Variants in JADE2 observed in about 807,000 individuals in gnomAD.
JADE2 encodes the protein jade family PHD finger 2, also known as E3 ubiquitin-protein ligase Jade-2.
A neutral mutation model predicts 85.7 loss-of-function variants in JADE2; 13 were observed. The ratio of observed to expected loss-of-function variants is 0.15; its 90% CI spans 0.10 to 0.24. JADE2 has a LOEUF of 0.24. JADE2 is among the 10% of genes least tolerant of loss of function. The probability of loss-of-function intolerance (pLI) is 1.00; values close to 1 mark genes in which losing one functional copy is unlikely to be tolerated. For missense variants in JADE2, 846 were observed against 1,115.9 expected, an observed-to-expected ratio of 0.76 and a Z score of 3.45; for synonymous variants, 440 against 456.1, an observed-to-expected ratio of 0.96 and a Z score of 0.45.
At chr5:134,534,425 G>C (rs7737055) in intron 1 of JADE2, among the ~76,000 whole-genome samples, 23 of 152,172 alleles carry the variant, frequency 1.5e-4, no homozygotes, top group African/African-American at 5.3e-4. Context: ...TTGAAGCTGG[G>C]CGGCAGGCAG....
chr5:134,530,395 T>A (rs1250956109), intron 1 of JADE2, among the ~76,000 whole-genome samples: 4 of 152,350 alleles, frequency 2.6e-5, no homozygotes, highest in Non-Finnish European at 5.9e-5. Flanking sequence ...CCCCTTTTTT[T>A]AAAGAAGAGG....
chr5:134,563,314 TAA>T (rs397966244), intron 7 of JADE2, among the ~76,000 whole-genome samples: 6 of 140,214 alleles, frequency 4.3e-5, no homozygotes, highest in Admixed American at 7.1e-5. Context: ...TGAGACTGTT[TAA>T]AAAAAAAAAA....
Position 134,579,525 on chromosome 5 carries a change from C to G in JADE2, c.*208C>G. Reference sequence around the variant, plus strand: ...GCCTAGGACATTAGGATTCCTTCCACGGCTCCGGCCGCTAGGACCCTGCCA... The same window carrying G: ...GCCTAGGACATTAGGATTCCTTCCAGGGCTCCGGCCGCTAGGACCCTGCCA... On this transcript the variant is annotated 3_prime_UTR_variant, in exon 12 of 12. Transcript: ENST00000681547. This position sits in a 1 kb window ranked among gnomAD's most constrained non-coding sequence, Gnocchi z 4.6. The G allele has an allele frequency of 3.6e-6, 2 of 554,416 alleles. No individual in the cohort carries two copies. Among genetic ancestry groups the G allele is most frequent in the Non-Finnish European group, 6.4e-6 (2 of 314,158 alleles). The allele number at this position is 554,416 out of a possible 1,614,324, so 34.3% of individuals were successfully genotyped here.
rs751064464 is a variant in JADE2, at chr5:134,578,817, C to G, written c.2005C>G (p.Pro669Ala). The stretch of plus-strand genomic sequence containing the variant: ...TTCACGGACGACTCCAGACAAAGCC[C>G]CCAAGAAGACCTGGGGCCAGGATGC... ...PGSRTTPDKA[P>A]KKTWGQDAGS... is the part of the protein sequence containing the mutation. Residue 669 changes from proline to alanine, a missense_variant, in exon 12 of 12, where the codon CCC becomes GCC. This residue lies in a region of JADE2 where 300 missense variants were observed against 300.7 expected (regional missense o/e 1.00). Coordinates refer to ENST00000681547, the MANE Select transcript of JADE2 (RefSeq NM_001388185.1). This position sits in a 1 kb window ranked among gnomAD's most constrained non-coding sequence, Gnocchi z 4.4. 6.2e-7 allele frequency: 1 copy of G among 1,613,782 alleles called. No individual in the cohort carries two copies. Among genetic ancestry groups the G allele is most frequent in the Non-Finnish European group, 8.5e-7 (1 of 1,180,012 alleles).
chr5:134,531,382 CT>C (rs1274664480), intron 1 of JADE2, among the ~76,000 whole-genome samples: 1 of 152,042 alleles, frequency 6.6e-6, no homozygotes, highest in African/African-American at 2.4e-5. Context: ...TCTATGAAGC[CT>C]TTGAAAGATT....
In JADE2 at chr5:134,566,596, G is replaced by A. The variant is rs370177891; in HGVS notation, c.1434+16G>A. 8.5e-6 allele frequency: 13 copies of A among 1,524,832 alleles called. No individual in the cohort carries two copies. The highest frequency in any genetic ancestry group is 2.5e-5 in the East Asian group (1 of 40,650). 94.5% of individuals were successfully genotyped at this position (1,524,832 alleles called of 1,614,324 possible). A position where few individuals can be genotyped will look rare whatever the true frequency, so the allele number is the denominator to read the frequency against. On this transcript the variant is annotated intron_variant, in intron 9 of 11. Transcript: ENST00000681547. This position sits in a 1 kb window ranked among gnomAD's most constrained non-coding sequence, Gnocchi z 6.7. ...CCTAGAGAGGGTGAGTCCCCATGCC[G>A]CCTGCCCACCCCCTGCCTGGTGGGT...
Position 134,578,744 on chromosome 5 carries a change from G to T in JADE2, c.1932G>T (p.Leu644=). 1 of 1,613,572 alleles carries T rather than the reference G, an allele frequency of 6.2e-7. No individual in the cohort carries two copies. The highest frequency in any genetic ancestry group is 8.5e-7 in the Non-Finnish European group (1 of 1,179,956). Residue 644 remains leucine, a synonymous_variant, in exon 12 of 12, where the codon CTG becomes CTT. Coordinates refer to ENST00000681547, the MANE Select transcript of JADE2 (RefSeq NM_001388185.1). The surrounding 1 kb of genome is among the most constrained non-coding windows in gnomAD (Gnocchi z 4.4). Reference sequence around the variant, plus strand: ...GGAAGGCCCGAGGCCGCACCCGCCTGCCTGCCAAGAAGAAACCACCACCAC... The same window carrying T: ...GGAAGGCCCGAGGCCGCACCCGCCTTCCTGCCAAGAAGAAACCACCACCAC... ...PARKARGRTR[L]PAKKKPPPPP...
chr5:134,561,751 G>A, intron 6 of JADE2, among the ~76,000 whole-genome samples: 1 of 152,178 alleles, frequency 6.6e-6, no homozygotes, highest in East Asian at 1.9e-4. Context: ...GCAGCTCTTA[G>A]GTTCATGTGT....
At position 134,566,900 on chromosome 5, in the gene JADE2, C is replaced by T. The variant is rs755451336; in HGVS notation, c.1434+320C>T. The stretch of plus-strand genomic sequence containing the variant: ...GAGGCTGAGAGCACCAGAGCTAGGG[C>T]GAGGACCTAGGCTTCTGGCACTTGC... On this transcript the variant is annotated intron_variant, in intron 9 of 11. Transcript: ENST00000681547. This position sits in a 1 kb window ranked among gnomAD's most constrained non-coding sequence, Gnocchi z 6.7. Among the ~76,000 whole-genome samples, 5 of 152,198 alleles carry T rather than the reference C, an allele frequency of 3.3e-5. 1 individual carries two copies. The highest frequency in any genetic ancestry group is 3.8e-4 in the East Asian group (2 of 5,198).
chr5:134,578,475 G>C lies in JADE2; in HGVS notation c.1682-19G>C, dbSNP rs1221209793. 3 of 1,542,934 alleles carry C rather than the reference G, an allele frequency of 1.9e-6. No homozygotes were observed. The highest frequency in any genetic ancestry group is 2.6e-6 in the Non-Finnish European group (3 of 1,137,392). ...ACACACGTCTGCTGGCGTCTCACTTGCCTCCTCTCTCCCCTCAGCAGGCCT... is the reference window on the plus strand; with the variant it reads ...ACACACGTCTGCTGGCGTCTCACTTCCCTCCTCTCTCCCCTCAGCAGGCCT... On this transcript the variant is annotated intron_variant, in intron 11 of 11. Coordinates refer to ENST00000681547, the MANE Select transcript of JADE2 (RefSeq NM_001388185.1). The surrounding 1 kb of genome is among the most constrained non-coding windows in gnomAD (Gnocchi z 4.4).
intron 3 of JADE2, among the ~76,000 whole-genome samples, chr5:134,539,265 G>A (rs536841859): frequency 3.2e-4 from 49 of 152,102 alleles, no homozygotes; most frequent in South Asian, 1.0e-3. Flanking sequence ...GGGTTTCACC[G>A]TGTTAGCCAG....
chr5:134,543,877 G>A lies in JADE2; in HGVS notation c.153+5794G>A, dbSNP rs115541497. On this transcript the variant is annotated intron_variant, in intron 3 of 11. Transcript: ENST00000681547. ...AGCCTGGTTCAAAGATCTAAGCAAC[G>A]TCAGGGAGTGTGGGTGGGGGCAGTC... Among the ~76,000 whole-genome samples the A allele has an allele frequency of 8.9e-3, 1,359 of 152,302 alleles. 21 individuals are homozygous for A. The highest frequency in any genetic ancestry group is 0.03 in the African/African-American group (1,249 of 41,566).
Position 134,579,402 on chromosome 5 carries a change from T to C in JADE2, c.*85T>C. ...CACAACTGCCATTTCCAGTCTCTGC[T>C]GAGTGTCCCAGACCCTCGAGGCTGC... On this transcript the variant is annotated 3_prime_UTR_variant, in exon 12 of 12. Coordinates refer to ENST00000681547, the MANE Select transcript of JADE2 (RefSeq NM_001388185.1). This position sits in a 1 kb window ranked among gnomAD's most constrained non-coding sequence, Gnocchi z 4.6. 4 of 1,119,152 alleles carry C rather than the reference T, an allele frequency of 3.6e-6. No individual in the cohort carries two copies. Among genetic ancestry groups the C allele is most frequent in the Non-Finnish European group, 5.0e-6 (4 of 802,976 alleles). 69.3% of individuals were successfully genotyped at this position (1,119,152 alleles called of 1,614,324 possible).
intron 9 of JADE2, among the ~76,000 whole-genome samples, chr5:134,569,625 T>C (rs1212845182): frequency 1.3e-5 from 2 of 150,934 alleles, no homozygotes; most frequent in African/African-American, 4.9e-5. Context: ...TCACCAGGAG[T>C]TTATTTGGGA....
Position 134,579,190 on chromosome 5 carries a change from C to T in JADE2, c.2378C>T (p.Thr793Ile). 1.2e-6 allele frequency: 2 copies of T among 1,614,260 alleles called. No individual in the cohort carries two copies. The highest frequency in any genetic ancestry group is 1.6e-4 in the Middle Eastern group (1 of 6,062). ...PKVSLHFDTE[T>I]DGYFSDGEMS... Reference sequence around the variant, plus strand: ...GTCAGCCTGCATTTTGACACTGAGACTGATGGCTACTTCTCTGATGGGGAG... The same window carrying T: ...GTCAGCCTGCATTTTGACACTGAGATTGATGGCTACTTCTCTGATGGGGAG... The change falls in exon 12 of 12, where the codon ACT becomes ATT. Residue 793 changes from threonine to isoleucine, a missense_variant. Thr to Ile is a moderately conservative substitution (Grantham distance 89). Transcript: ENST00000681547. The surrounding 1 kb of genome is among the most constrained non-coding windows in gnomAD (Gnocchi z 4.6).
At chr5:134,526,594 G>C in intron 1 of JADE2, 1 of 985,404 alleles carries the variant, frequency 1.0e-6, no homozygotes, top group Non-Finnish European at 1.2e-6. Context: ...CAGCCGGTCC[G>C]GTCCCAGACA....
chr5:134,526,424 A>G (rs1230571616), intron 1 of JADE2: 1 of 984,274 alleles, frequency 1.0e-6, no homozygotes, highest in East Asian at 1.2e-4. Flanking sequence ...GCGGCGGGAG[A>G]TGGGTACGGT....
intron 1 of JADE2, chr5:134,526,784 G>C (rs1327337359): frequency 1.0e-6 from 1 of 984,154 alleles, no homozygotes; most frequent in African/African-American, 1.7e-5. Flanking sequence ...GCGGAGCCTC[G>C]GCGCCAGGGG....
intron 9 of JADE2, among the ~76,000 whole-genome samples, chr5:134,571,659 T>C (rs2150009417): frequency 6.6e-6 from 1 of 152,302 alleles, no homozygotes; most frequent in South Asian, 2.1e-4. Context: ...ACTGTGCCAC[T>C]GCGCTCCAGC....
Sources: allele counts gnomAD v4.1 joint callset (sites outside exome capture counted in the v4.1 genomes callset), GRCh38; gene constraint gnomAD v4.1.1; regional missense constraint gnomAD v4.1.1; non-coding constraint Gnocchi (gnomAD v3.1); transcripts MANE v1.5; gene names NCBI Gene and HGNC (gene_info 2026-07-23, HGNC 2026-07-21).